The following DNAH14 variants were observed in gnomAD, a reference collection of about 807,000 sequenced individuals.
DNAH14 encodes the protein dynein axonemal heavy chain 14.
DNAH14 carries 478 observed loss-of-function variants against 520.9 expected under a neutral mutation model. That is an observed-to-expected ratio of 0.92 (90% CI 0.85 to 0.99). The LOEUF is 0.99. Ranked by LOEUF, DNAH14 falls within the 50% of genes least tolerant of loss-of-function variation. The pLI, the probability that DNAH14 is intolerant of heterozygous loss-of-function variation, is 0.00. For synonymous variants in DNAH14, 1,581 were observed against 1,757.2 expected, an observed-to-expected ratio of 0.90 and a Z score of 2.51; for missense variants, 4,831 against 5,234.5, an observed-to-expected ratio of 0.92 and a Z score of 2.38.
chr1:225,335,241 A>T (rs1337560378), intron 66 of DNAH14, among the ~76,000 whole-genome samples: 1 of 142,380 alleles, frequency 7.0e-6, no homozygotes. Flanking sequence ...ACACATGTGT[A>T]CATTGTGTGT....
rs764494220 is a variant in DNAH14 at position 225,333,295 on chromosome 1, G to T, written c.9869G>T (p.Arg3290Leu). 11 of 1,549,258 alleles carry T rather than the reference G, an allele frequency of 7.1e-6. No individual in the cohort carries two copies. The highest frequency in any genetic ancestry group is 2.6e-6 in the Non-Finnish European group (3 of 1,145,636). ...LLTVLEDEKT[R>L]WQETINQIDN... The stretch of plus-strand genomic sequence containing the variant: ...CATTTCTATTTTAACATTTAGACTC[G>T]ATGGCAAGAAACAATCAATCAAATA... The change falls in exon 66 of 86, where the codon CGA becomes CTA. Residue 3290 changes from arginine to leucine, a missense_variant. Coordinates refer to ENST00000682510, the MANE Select transcript of DNAH14 (RefSeq NM_001367479.1).
chr1:225,031,239 A>G (rs1233216701), intron 11 of DNAH14, among the ~76,000 whole-genome samples: 1 of 152,116 alleles, frequency 6.6e-6, no homozygotes, highest in Non-Finnish European at 1.5e-5. Flanking sequence ...TACTAAGCTC[A>G]CTTATCATTT....
chr1:225,290,112 G>A, intron 55 of DNAH14, 30 bp downstream of exon 55: 1 of 1,336,700 alleles, frequency 7.5e-7, no homozygotes, highest in Non-Finnish European at 9.7e-7. Flanking sequence ...GCTATTTGCT[G>A]AAGTTTGATA....
chr1:225,286,741 T>C (rs2093754048), intron 54 of DNAH14, among the ~76,000 whole-genome samples: 2 of 152,206 alleles, frequency 1.3e-5, no homozygotes, highest in African/African-American at 4.8e-5. Context: ...ACCTAACTGA[T>C]GTGAAAACTT....
chr1:225,302,471 T>G (rs1414805947), intron 56 of DNAH14, among the ~76,000 whole-genome samples: 1 of 152,194 alleles, frequency 6.6e-6, no homozygotes, highest in African/African-American at 2.4e-5. Context: ...ACAATTAGAC[T>G]CTGACTTAAA....
chr1:225,115,256 C>T (rs571753303), intron 23 of DNAH14, among the ~76,000 whole-genome samples: 20 of 152,202 alleles, frequency 1.3e-4, no homozygotes, highest in Admixed American at 6.5e-4. Context: ...GGGTCAGACG[C>T]GAAGCCAGCA....
At chr1:225,219,666 A>G (rs1243896804) in intron 41 of DNAH14, among the ~76,000 whole-genome samples, 1 of 152,192 alleles carries the variant, frequency 6.6e-6, no homozygotes, top group East Asian at 1.9e-4. Context: ...ACAGTAATCC[A>G]TAGCCTACCA....
chr1:225,065,222 CATTGTTGTATATATTTAT>C (rs1311764705), intron 17 of DNAH14, among the ~76,000 whole-genome samples: 2 of 151,752 alleles, frequency 1.3e-5, no homozygotes, highest in Non-Finnish European at 2.9e-5. Flanking sequence ...TGGGGTTTTA[CATTGTTGTATATATTTAT>C]ATTGTTGTAT....
At chr1:225,317,607 ACAACT>A (rs2094489638) in intron 60 of DNAH14, among the ~76,000 whole-genome samples, 1 of 152,084 alleles carries the variant, frequency 6.6e-6, no homozygotes, top group Non-Finnish European at 1.5e-5. Flanking sequence ...TTGATTTTAT[ACAACT>A]CCCAGTAAAA....
chr1:225,107,838 A>C (rs1283510325), intron 23 of DNAH14, among the ~76,000 whole-genome samples: 1 of 152,094 alleles, frequency 6.6e-6, no homozygotes, highest in Non-Finnish European at 1.5e-5. Context: ...AGCCATTTTA[A>C]CTGAAGTGAG....
chr1:224,955,638 A>G (rs185360852), intron 3 of DNAH14, among the ~76,000 whole-genome samples: 152 of 152,232 alleles, frequency 1.0e-3, no homozygotes, highest in African/African-American at 3.5e-3. Flanking sequence ...ATAAGCTTCC[A>G]GCCCCATTTA....
At chr1:225,074,084 C>T (rs941657110) in intron 17 of DNAH14, among the ~76,000 whole-genome samples, 2 of 148,758 alleles carry the variant, frequency 1.3e-5, no homozygotes, top group Non-Finnish European at 3.0e-5. Flanking sequence ...ACTGCAAGCT[C>T]CGCCTCCCGG....
intron 41 of DNAH14, among the ~76,000 whole-genome samples, chr1:225,228,121 T>C (rs943023459): frequency 6.6e-6 from 1 of 152,194 alleles, no homozygotes; most frequent in African/African-American, 2.4e-5. Flanking sequence ...ACCCAAAAGA[T>C]TCATGGGCAC....
chr1:225,260,654 G>T (rs549373119), intron 46 of DNAH14, among the ~76,000 whole-genome samples: 6 of 151,344 alleles, frequency 4.0e-5, no homozygotes, highest in Admixed American at 6.6e-5. Context: ...GGGATCTTTT[G>T]TGGTTCCACT....
At position 225,192,850 on chromosome 1, in the gene DNAH14, C is replaced by A; in HGVS notation, c.5825C>A (p.Pro1942Gln). ...CGAAGTTATGTATATTTTAACACAC[C>A]AAAGAACACAAAGAAAGACATTGAT... The part of the protein sequence containing the change: ...TIRSYVYFNT[P>Q]KNTKKDIDLR... The change falls in exon 38 of 86, where the codon CCA (proline) becomes CAA (glutamine). Residue 1942 changes from proline to glutamine, a missense_variant. Transcript: ENST00000682510. 3 of 1,549,132 alleles carry A rather than the reference C, an allele frequency of 1.9e-6. No individual in the cohort carries two copies. The East Asian group carries it at 7.4e-5, about 38-fold the overall frequency.
intron 23 of DNAH14, among the ~76,000 whole-genome samples, chr1:225,112,121 G>C (rs1031494502): frequency 6.6e-6 from 1 of 151,848 alleles, no homozygotes; most frequent in Non-Finnish European, 1.5e-5. Flanking sequence ...TCTGATTGAT[G>C]GACTCTCTTC....
intron 60 of DNAH14, among the ~76,000 whole-genome samples, chr1:225,312,291 G>A (rs755962340): frequency 1.3e-5 from 2 of 152,208 alleles, no homozygotes; most frequent in African/African-American, 2.4e-5. Context: ...TTTGCACATC[G>A]ATTTTGTATC....
intron 60 of DNAH14, among the ~76,000 whole-genome samples, chr1:225,312,123 G>A (rs1238637084): frequency 6.6e-6 from 1 of 152,012 alleles, no homozygotes; most frequent in African/African-American, 2.4e-5. Context: ...TTATTTCCTT[G>A]AGCTGTGGTT....
intron 49 of DNAH14, 104 bp from the exon 50 acceptor site, chr1:225,270,631 T>C: frequency 1.0e-6 from 1 of 976,672 alleles, no homozygotes; most frequent in Middle Eastern, 2.4e-4. Context: ...TCTTTTTGTC[T>C]AAATGTTTTT....
Sources: gnomAD v4.1 joint callset for allele counts (sites outside exome capture counted in the v4.1 genomes callset) on GRCh38, gnomAD v4.1.1 for gene constraint, MANE v1.5 for transcripts, NCBI Gene and HGNC (gene_info 2026-07-23, HGNC 2026-07-21) for gene names.